Variants in PLB1 observed in about 807,000 individuals in gnomAD.
PLB1 encodes the protein phospholipase B1.
A neutral mutation model predicts 227.4 loss-of-function variants in PLB1; 242 were observed. The ratio of observed to expected loss-of-function variants is 1.06; its 90% CI spans 0.96 to 1.18. The LOEUF is 1.18. Among genes scored for constraint, PLB1 ranks in the 50% most tolerant of loss-of-function variants. PLB1 has a pLI of 0.00. For missense variants in PLB1, 1,858 were observed against 1,816.3 expected, an observed-to-expected ratio of 1.02 and a Z score of -0.42; for synonymous variants, 757 against 682.2, an observed-to-expected ratio of 1.11 and a Z score of -1.71.
chr2:28,634,713 AC>A (rs1269361789), intron 56 of PLB1, among the ~76,000 whole-genome samples: 1 of 152,124 alleles, frequency 6.6e-6, no homozygotes, highest in Admixed American at 6.5e-5. Flanking sequence ...TTAGACACCA[AC>A]CTGGGCAACA....
At chr2:28,541,153 G>T (rs1672421851) in intron 12 of PLB1, among the ~76,000 whole-genome samples, 1 of 148,152 alleles carries the variant, frequency 6.7e-6, no homozygotes. Context: ...GCCTGGGCAA[G>T]ACAGCGAGAC....
chr2:28,605,228 C>T (rs1172656839), intron 41 of PLB1, among the ~76,000 whole-genome samples: 1 of 152,192 alleles, frequency 6.6e-6, no homozygotes, highest in Non-Finnish European at 1.5e-5. Flanking sequence ...TGTTTCCACC[C>T]AGGCCATGCC....
intron 26 of PLB1, 26 bp downstream of exon 26, chr2:28,585,868 T>G (rs1331164221): frequency 1.4e-5 from 22 of 1,530,406 alleles, no homozygotes; most frequent in Non-Finnish European, 1.9e-5. Context: ...GTTCTAAGAC[T>G]TCCCAGAACT....
intron 20 of PLB1, among the ~76,000 whole-genome samples, chr2:28,572,990 A>C (rs951638908): frequency 6.6e-6 from 1 of 152,224 alleles, no homozygotes; most frequent in African/African-American, 2.4e-5. Flanking sequence ...CATTTCTTCA[A>C]CAATAATTGA....
At chr2:28,597,615 T>C (rs1250809912) in intron 33 of PLB1, among the ~76,000 whole-genome samples, 1 of 152,224 alleles carries the variant, frequency 6.6e-6, no homozygotes, top group Admixed American at 6.5e-5. Flanking sequence ...TCAATGACTT[T>C]TAACAAGTTA....
intron 16 of PLB1, among the ~76,000 whole-genome samples, chr2:28,551,224 G>A (rs1674195309): frequency 6.6e-6 from 1 of 151,992 alleles, no homozygotes. Flanking sequence ...TGTGGAGCTC[G>A]AAAGCCCTTG....
At chr2:28,606,038 T>C (rs946908258) in intron 42 of PLB1, 90 bp downstream of exon 42, 1 of 1,025,974 alleles carries the variant, frequency 9.7e-7, no homozygotes, top group African/African-American at 1.6e-5. Context: ...CAAGTGAGGC[T>C]GAGGGGGCAG....
intron 33 of PLB1, among the ~76,000 whole-genome samples, chr2:28,597,099 T>TA (rs1342425433): frequency 6.6e-6 from 1 of 151,848 alleles, no homozygotes; most frequent in African/African-American, 2.4e-5. Context: ...CCATCTCTAC[T>TA]AAAAAACAGA....
At chr2:28,523,335 GTTTTTTTTTTT>G (rs199936505) in intron 4 of PLB1, among the ~76,000 whole-genome samples, 1 of 116,892 alleles carries the variant, frequency 8.6e-6, no homozygotes, top group African/African-American at 3.2e-5. Flanking sequence ...TATCTGCGAG[GTTTTTTTTTTT>G]TTTTTTTTTT....
At position 28,602,935 on chromosome 2, in the gene PLB1, G is replaced by A; in HGVS notation, c.2774+14G>A. 6.2e-7 allele frequency: 1 copy of A among 1,609,988 alleles called. No individual in the cohort carries two copies. Among genetic ancestry groups the A allele is most frequent in the Non-Finnish European group, 8.5e-7 (1 of 1,176,322 alleles). The stretch of plus-strand genomic sequence containing the variant: ...GCAGCAGGCCAGGTAGGCAGGTCCT[G>A]GCTGTCCCCACACTGGAGATGCCCT... On this transcript the variant is annotated intron_variant, in intron 39 of 57. Transcript: ENST00000327757.
intron 31 of PLB1, 33 bp from the exon 32 acceptor site, chr2:28,592,628 T>A: frequency 6.2e-7 from 1 of 1,609,052 alleles, no homozygotes; most frequent in Non-Finnish European, 8.5e-7. Context: ...GCTTCCCTCC[T>A]GCAGCCCTAA....
chr2:28,576,355 C>G (rs988034082), intron 21 of PLB1, among the ~76,000 whole-genome samples: 1 of 152,206 alleles, frequency 6.6e-6, no homozygotes, highest in Non-Finnish European at 1.5e-5. Context: ...GGCACCCTCA[C>G]GTTTATCATC....
At chr2:28,639,106 TC>T (rs996089852) in intron 56 of PLB1, among the ~76,000 whole-genome samples, 4 of 149,842 alleles carry the variant, frequency 2.7e-5, no homozygotes, top group African/African-American at 9.8e-5. Flanking sequence ...AACTAAGAGC[TC>T]CTAGAGAAAG....
chr2:28,635,689 C>G (rs1307756820), intron 56 of PLB1, among the ~76,000 whole-genome samples: 1 of 150,920 alleles, frequency 6.6e-6, no homozygotes, highest in African/African-American at 2.4e-5. Flanking sequence ...ACGTCCTTCT[C>G]GAGACTTTTG....
intron 26 of PLB1, among the ~76,000 whole-genome samples, chr2:28,588,992 C>T (rs1367764181): frequency 1.3e-5 from 2 of 151,808 alleles, no homozygotes; most frequent in East Asian, 3.9e-4. Context: ...AGTGAAACCC[C>T]GTCTCTGCTA....
At chr2:28,620,554 G>A in intron 47 of PLB1, 46 bp from the exon 48 acceptor site, 2 of 1,574,564 alleles carry the variant, frequency 1.3e-6, no homozygotes, top group Non-Finnish European at 1.7e-6. Context: ...GACACAGGGA[G>A]CAGCATGTTG....
chr2:28,620,326 C>T lies in PLB1; in HGVS notation c.3377C>T (p.Ser1126Phe), dbSNP rs1474188755. 4 of 1,602,554 alleles carry T rather than the reference C, an allele frequency of 2.5e-6. No homozygotes were observed. Among genetic ancestry groups the T allele is most frequent in the East Asian group, 2.2e-5 (1 of 44,730 alleles). ...SDLPTSWRGLSWSIGGDGNLE... is the reference protein window; with the variant it reads ...SDLPTSWRGLFWSIGGDGNLE... ...CTACCCACATCTTGGAGGGGACTCT[C>T]TTGGAGGTGAGGATGTTCTTGATGC... Residue 1126 changes from serine (S) to phenylalanine (F), a missense_variant, in exon 47 of 58, where the codon TCT becomes TTT. Coordinates refer to ENST00000327757, the MANE Select transcript of PLB1 (RefSeq NM_153021.5).
rs1670774841 is a variant in PLB1 at position 28,529,787 on chromosome 2, TC to T, written c.468+10del. The T allele has an allele frequency of 1.9e-6, 3 of 1,613,804 alleles. No individual in the cohort carries two copies. In the Admixed American group the frequency reaches 5.0e-5, roughly 27 times the overall value. On this transcript the variant is annotated intron_variant, in intron 8 of 57. Coordinates refer to ENST00000327757, the MANE Select transcript of PLB1 (RefSeq NM_153021.5). ...AACATGAAAGAGAACCTGGTAAGCA[TC>T]CGTCCAACTCTGGCATGGCTGGGCT...
intron 6 of PLB1, among the ~76,000 whole-genome samples, chr2:28,528,582 C>A (rs1248904444): frequency 6.6e-6 from 1 of 152,174 alleles, no homozygotes; most frequent in East Asian, 1.9e-4. Flanking sequence ...CCTTGGTGTC[C>A]CAGAACTCTG....
Sources: allele counts gnomAD v4.1 joint callset (sites outside exome capture counted in the v4.1 genomes callset), GRCh38; gene constraint gnomAD v4.1.1; transcripts MANE v1.5; gene names NCBI Gene and HGNC (gene_info 2026-07-23, HGNC 2026-07-21).